The following GADL1 variants were observed in gnomAD, a reference collection of about 807,000 sequenced individuals.
GADL1 encodes GAD like acidic amino acid decarboxylase 1.
Under a neutral mutation model 69.5 loss-of-function variants are expected in GADL1, and 71 were observed. The observed-to-expected ratio is 1.02, with a 90% confidence interval of 0.84 to 1.25. GADL1 has a LOEUF of 1.25. GADL1 is among the 50% of genes most tolerant of loss of function. GADL1 has a pLI of 0.00. For missense variants in GADL1, 737 were observed against 631.8 expected (o/e 1.17, Z -1.79); for synonymous variants, 254 against 214.4 (o/e 1.18, Z -1.62).
intron 11 of GADL1, among the ~76,000 whole-genome samples, chr3:30,811,678 C>A (rs1425718798): frequency 1.3e-5 from 2 of 152,096 alleles, no homozygotes; most frequent in African/African-American, 4.8e-5. Context: ...CTATTTCAGT[C>A]TATTCTGTTC....
At chr3:30,894,467 C>A in intron 1 of GADL1, 111 bp downstream of exon 1, 2 of 818,230 alleles carry the variant, frequency 2.4e-6, no homozygotes, top group South Asian at 2.0e-5. Context: ...CCCACCCCAG[C>A]CGCTTTACAA....
intron 14 of GADL1, among the ~76,000 whole-genome samples, chr3:30,746,648 C>T (rs1371143580): frequency 6.6e-6 from 1 of 152,056 alleles, no homozygotes; most frequent in African/African-American, 2.4e-5. Context: ...TACTTTGTAC[C>T]TTTCCTTTAG....
At chr3:30,736,280 C>A (rs1344146712) in intron 14 of GADL1, among the ~76,000 whole-genome samples, 1 of 152,078 alleles carries the variant, frequency 6.6e-6, no homozygotes, top group Non-Finnish European at 1.5e-5. Context: ...GACCAACAGA[C>A]TAGCTTAGAC....
intron 1 of GADL1, among the ~76,000 whole-genome samples, chr3:30,880,312 G>C (rs1197794524): frequency 6.6e-6 from 1 of 151,830 alleles, no homozygotes; most frequent in Non-Finnish European, 1.5e-5. Flanking sequence ...GATATGGTTT[G>C]GCTGTGTCCC....
chr3:30,840,250 G>A (rs930600963), intron 8 of GADL1, among the ~76,000 whole-genome samples: 4 of 151,980 alleles, frequency 2.6e-5, no homozygotes, highest in African/African-American at 9.7e-5. Flanking sequence ...CAATTTAACC[G>A]ACTTTTGACA....
In GADL1 at chr3:30,800,806, G is replaced by GACACACACACACAC. The variant is rs35529398; in HGVS notation, c.1250+69_1250+82dup. ...GGTCTTCCTATTACAGACACAGATAGACACACACACACACACACACACACA... is the reference window on the plus strand; with the variant it reads ...GGTCTTCCTATTACAGACACAGATAGACACACACACACACACACACACACACACACACACACACA... On this transcript the variant is annotated intron_variant, in intron 12 of 14. Transcript: ENST00000282538. The GACACACACACACAC allele has an allele frequency of 5.2e-5, 38 of 727,156 alleles. No individual in the cohort carries two copies. In the African/African-American group the frequency reaches 7.2e-4, roughly 14 times the overall value. 45.0% of individuals were successfully genotyped at this position (727,156 alleles called of 1,614,324 possible).
intron 12 of GADL1, chr3:30,797,861 T>C (rs962915536): frequency 1.3e-5 from 2 of 152,160 alleles, no homozygotes; most frequent in African/African-American, 4.8e-5. Flanking sequence ...TGTTTGAATG[T>C]TTAACACCAT....
At chr3:30,767,882 A>AAC (rs1553637258) in intron 14 of GADL1, among the ~76,000 whole-genome samples, 3 of 152,186 alleles carry the variant, frequency 2.0e-5, no homozygotes, top group Non-Finnish European at 4.4e-5. Flanking sequence ...TATAAGGAAA[A>AAC]ACATCAGATC....
At chr3:30,775,034 A>AGAG (rs1491464392) in intron 14 of GADL1, among the ~76,000 whole-genome samples, 2 of 152,222 alleles carry the variant, frequency 1.3e-5, no homozygotes, top group African/African-American at 4.8e-5. Context: ...AGTGAGAGTC[A>AGAG]GAGGAGGATT....
chr3:30,833,927 A>G lies in GADL1; in HGVS notation c.976T>C (p.Ser326Pro). 6.2e-7 allele frequency: 1 copy of G among 1,611,880 alleles called. No homozygotes were observed. The highest frequency in any genetic ancestry group is 2.2e-5 in the East Asian group (1 of 44,790). ...KLLHGIHRAD[S>P]VAWNPHKMLM... is the part of the protein sequence containing the mutation. ...ATCTTGTGTGGGTTCCAGGCCACAG[A>G]GTCAGCCCTATTGTTTAAACAAAGG... The change falls in exon 11 of 15, where the codon TCT (serine) becomes CCT (proline). Residue 326 changes from serine (S) to proline (P), a missense_variant. Coordinates refer to ENST00000282538, the MANE Select transcript of GADL1 (RefSeq NM_207359.3).
chr3:30,754,660 C>T (rs1260644925), intron 14 of GADL1, among the ~76,000 whole-genome samples: 1 of 152,012 alleles, frequency 6.6e-6, no homozygotes, highest in East Asian at 1.9e-4. Flanking sequence ...TGAAATTATA[C>T]TGCAGACATA....
chr3:30,754,006 G>GGT (rs1454200156), intron 14 of GADL1, among the ~76,000 whole-genome samples: 6 of 151,758 alleles, frequency 4.0e-5, no homozygotes, highest in African/African-American at 1.2e-4. Flanking sequence ...GGAGGACTGA[G>GGT]GTGGTGAGGG....
At chr3:30,774,114 C>T (rs1448888379) in intron 14 of GADL1, among the ~76,000 whole-genome samples, 1 of 152,092 alleles carries the variant, frequency 6.6e-6, no homozygotes, top group Non-Finnish European at 1.5e-5. Flanking sequence ...GGAAATGGTA[C>T]AACATTCCTA....
At chr3:30,809,819 C>T (rs1375178958) in intron 11 of GADL1, among the ~76,000 whole-genome samples, 1 of 152,142 alleles carries the variant, frequency 6.6e-6, no homozygotes, top group Non-Finnish European at 1.5e-5. Context: ...CACACCTTTT[C>T]CTCCAAAAAA....
Position 30,844,267 on chromosome 3 carries a change from A to G in GADL1, c.732-3T>C. 6.2e-7 allele frequency: 1 copy of G among 1,610,514 alleles called. No homozygotes were observed. Among genetic ancestry groups the G allele is most frequent in the Non-Finnish European group, 8.5e-7 (1 of 1,178,066 alleles). On this transcript the variant is annotated splice_polypyrimidine_tract_variant and splice_region_variant and intron_variant, in intron 7 of 14. Transcript: ENST00000282538. ...GTTCCTCAGGTATCATTTTACCTCT[A>G]AGGGACAAAGATTTGAGACTTTCAG...
intron 12 of GADL1, among the ~76,000 whole-genome samples, chr3:30,787,275 G>T (rs1005329383): frequency 3.9e-5 from 6 of 152,188 alleles, no homozygotes; most frequent in African/African-American, 1.2e-4. Flanking sequence ...CATTTTGAAT[G>T]TTGGGGGAAA....
intron 14 of GADL1, among the ~76,000 whole-genome samples, chr3:30,775,701 T>TA (rs576144264): frequency 1.5e-3 from 233 of 151,834 alleles, no homozygotes; most frequent in African/African-American, 4.4e-3. Flanking sequence ...TGGCTGACAG[T>TA]AAAAAAAATA....
intron 14 of GADL1, among the ~76,000 whole-genome samples, chr3:30,761,370 G>T (rs1306777475): frequency 6.6e-6 from 1 of 152,136 alleles, no homozygotes; most frequent in Non-Finnish European, 1.5e-5. Flanking sequence ...CCAAATATAT[G>T]TGGGACTTAT....
intron 1 of GADL1, among the ~76,000 whole-genome samples, chr3:30,888,124 A>G (rs1698734182): frequency 6.6e-6 from 1 of 152,014 alleles, no homozygotes; most frequent in Admixed American, 6.6e-5. Context: ...TTTGTTTTTT[A>G]TTTCTATTTT....
Sources: gnomAD v4.1 joint callset for allele counts (sites outside exome capture counted in the v4.1 genomes callset) on GRCh38, gnomAD v4.1.1 for gene constraint, MANE v1.5 for transcripts, NCBI Gene and HGNC (gene_info 2026-07-23, HGNC 2026-07-21) for gene names.